Variants in UBE3C observed in about 807,000 individuals in gnomAD.
The protein encoded by UBE3C is ubiquitin protein ligase E3C.
Under a neutral mutation model 129.4 loss-of-function variants are expected in UBE3C, and 42 were observed. The observed-to-expected ratio is 0.32, with a 90% CI of 0.25 to 0.42. The LOEUF is 0.42. Ranked by LOEUF, UBE3C falls within the 10% of genes least tolerant of loss-of-function variation. The pLI, the probability that UBE3C is intolerant of heterozygous loss-of-function variation, is 1.00. For missense variants in UBE3C, 1,049 were observed against 1,319.1 expected (o/e 0.80, Z 3.17); for synonymous variants, 510 against 492.4 (o/e 1.04, Z -0.47).
intron 10 of UBE3C, among the ~76,000 whole-genome samples, chr7:157,191,515 A>C (rs1808966390): frequency 6.6e-6 from 1 of 152,092 alleles, no homozygotes; most frequent in Non-Finnish European, 1.5e-5. Flanking sequence ...GGTCTCGAAC[A>C]CCTGGGCCCA....
intron 18 of UBE3C, among the ~76,000 whole-genome samples, chr7:157,234,111 G>A (rs957753634): frequency 4.4e-5 from 3 of 67,604 alleles, no homozygotes; most frequent in African/African-American, 2.0e-4. Flanking sequence ...TCAGATAAAT[G>A]ATTTGCAAGT....
At chr7:157,261,906 T>C (rs1387780404) in intron 22 of UBE3C, among the ~76,000 whole-genome samples, 1 of 152,248 alleles carries the variant, frequency 6.6e-6, no homozygotes, top group East Asian at 1.9e-4. Flanking sequence ...TATTTAATTA[T>C]GCACAAAATG....
intron 10 of UBE3C, among the ~76,000 whole-genome samples, 195 bp from the exon 11 acceptor site, chr7:157,201,512 AGCACAGATTTACAC>A (rs1227835616): frequency 1.3e-5 from 2 of 151,360 alleles, no homozygotes; most frequent in African/African-American, 4.9e-5. Context: ...GCTTGGTAAC[AGCACAGATTTACAC>A]CTTTGGGAGC....
At position 157,184,076 on chromosome 7, in the gene UBE3C, C is replaced by T. The variant is rs374920083; in HGVS notation, c.1143+47C>T. ...TGGGGGGCTGCGATGCAGGCAGCCC[C>T]GTCGGATCTTCTAGCTTTCTGTCCA... On this transcript the variant is annotated intron_variant, in intron 9 of 22. Coordinates refer to ENST00000348165, the MANE Select transcript of UBE3C (RefSeq NM_014671.3). The T allele has an allele frequency of 6.3e-5, 100 of 1,591,076 alleles. No individual in the cohort carries two copies. The African/African-American group carries it at 9.1e-4, about 14-fold the overall frequency.
intron 1 of UBE3C, among the ~76,000 whole-genome samples, chr7:157,156,282 C>G (rs1807900648): frequency 6.7e-6 from 1 of 150,190 alleles, no homozygotes; most frequent in South Asian, 2.1e-4. Context: ...TTCACCTCCA[C>G]TCCTCACACC....
intron 13 of UBE3C, among the ~76,000 whole-genome samples, chr7:157,215,886 A>G (rs1563059529): frequency 2.0e-5 from 3 of 152,222 alleles, no homozygotes; most frequent in African/African-American, 4.8e-5. Flanking sequence ...AAAATTTACA[A>G]TTATTGATCT....
chr7:157,223,514 A>G (rs1008422480), intron 16 of UBE3C, among the ~76,000 whole-genome samples, 163 bp downstream of exon 16: 3 of 152,224 alleles, frequency 2.0e-5, no homozygotes, highest in Non-Finnish European at 4.4e-5. Flanking sequence ...ATAAAACCCA[A>G]CCAGATACCT....
intron 1 of UBE3C, among the ~76,000 whole-genome samples, chr7:157,150,968 G>C (rs150111164): frequency 0.01 from 1,560 of 152,280 alleles, 25 homozygotes; most frequent in African/African-American, 0.035. Context: ...GTCAGTTCTC[G>C]GCCGCTTGCG....
chr7:157,264,538 G>C (rs1797023878), intron 22 of UBE3C, among the ~76,000 whole-genome samples: 1 of 148,820 alleles, frequency 6.7e-6, no homozygotes, highest in African/African-American at 2.5e-5. Flanking sequence ...CACACACCTG[G>C]TATTACAGGT....
chr7:157,198,449 AG>A, intron 10 of UBE3C: 1 of 514,364 alleles, frequency 1.9e-6, no homozygotes. Context: ...GTGCGCTCGG[AG>A]GCCACAGCCT....
chr7:157,177,138 A>C (rs1047849754), intron 5 of UBE3C, among the ~76,000 whole-genome samples: 1 of 152,232 alleles, frequency 6.6e-6, no homozygotes, highest in Non-Finnish European at 1.5e-5. Flanking sequence ...GGAGAGGCGC[A>C]GTTCCTCCAT....
chr7:157,142,233 T>C (rs1807474026), intron 1 of UBE3C, among the ~76,000 whole-genome samples: 1 of 152,230 alleles, frequency 6.6e-6, no homozygotes, highest in African/African-American at 2.4e-5. Flanking sequence ...CCTTTTCTCA[T>C]GTCTTAAATT....
intron 2 of UBE3C, among the ~76,000 whole-genome samples, 185 bp from the exon 3 acceptor site, chr7:157,168,863 A>G (rs2062278273): frequency 6.6e-6 from 1 of 152,232 alleles, no homozygotes; most frequent in Non-Finnish European, 1.5e-5. Flanking sequence ...TTCTAAGATC[A>G]GTGGTGATGG....
At chr7:157,234,420 C>T (rs1025170732) in intron 18 of UBE3C, among the ~76,000 whole-genome samples, 17 of 152,200 alleles carry the variant, frequency 1.1e-4, no homozygotes, top group African/African-American at 4.1e-4. Context: ...ACACGTAACA[C>T]TCTGGGTCTG....
intron 22 of UBE3C, among the ~76,000 whole-genome samples, chr7:157,266,246 G>A (rs62493379): frequency 0.11 from 17,095 of 152,148 alleles, 1,063 homozygotes; most frequent in African/African-American, 0.14. Context: ...CCCGGGAGGC[G>A]GATGTTGCAG....
intron 21 of UBE3C, among the ~76,000 whole-genome samples, chr7:157,255,044 G>A (rs79888576): frequency 0.011 from 1,721 of 152,202 alleles, 36 homozygotes; most frequent in African/African-American, 0.039. Context: ...GGTGGGAGAC[G>A]GAGGTCGTGA....
chr7:157,234,703 A>T (rs1017357209), intron 18 of UBE3C, among the ~76,000 whole-genome samples: 2 of 152,164 alleles, frequency 1.3e-5, no homozygotes, highest in Non-Finnish European at 2.9e-5. Flanking sequence ...CCGTAACGGT[A>T]TGTGTTATAT....
At chr7:157,189,032 A>C in intron 10 of UBE3C, 1 of 504,382 alleles carries the variant, frequency 2.0e-6, no homozygotes, top group South Asian at 3.7e-5. Context: ...CCGGGAAGAC[A>C]CAGGACAGTA....
At chr7:157,173,573 G>T (rs1056976205) in intron 4 of UBE3C, among the ~76,000 whole-genome samples, 1 of 151,906 alleles carries the variant, frequency 6.6e-6, no homozygotes, top group African/African-American at 2.4e-5. Context: ...TTTTTCTTAC[G>T]ACTTTAAGTC....
Sources: allele counts gnomAD v4.1 joint callset (sites outside exome capture counted in the v4.1 genomes callset), GRCh38; gene constraint gnomAD v4.1.1; transcripts MANE v1.5; gene names NCBI Gene and HGNC (gene_info 2026-07-23, HGNC 2026-07-21).